BBS4: variants seen among roughly 807,000 people sequenced by gnomAD.
BBS4 encodes the protein BBSome complex member BBS4.
A neutral mutation model predicts 71.4 loss-of-function variants in BBS4; 58 were observed. The observed-to-expected ratio is 0.81, with a 90% confidence interval of 0.66 to 1.01. The LOEUF (loss-of-function observed/expected upper bound fraction) is 1.01, where lower values mean the gene tolerates loss of function less well. BBS4 is among the 50% of genes least tolerant of loss of function. The pLI is 0.00. For synonymous variants in BBS4, 228 were observed against 216.8 expected (o/e 1.05, Z -0.46); for missense variants, 660 against 607.9 (o/e 1.09, Z -0.90).
intron 4 of BBS4, among the ~76,000 whole-genome samples, chr15:72,712,730 T>C (rs535410113): frequency 1.3e-5 from 2 of 152,292 alleles, no homozygotes; most frequent in East Asian, 3.9e-4. Flanking sequence ...GGTGAGTTAG[T>C]GGTGAGTGAA....
At chr15:72,687,171 T>C (rs189627163) in intron 1 of BBS4, among the ~76,000 whole-genome samples, 1,587 of 139,796 alleles carry the variant, frequency 0.011, 11 homozygotes, top group Middle Eastern at 0.023. Context: ...CGGGCTGGAG[T>C]GCAATGGCGC....
At chr15:72,698,816 AT>A (rs2065122497) in intron 2 of BBS4, among the ~76,000 whole-genome samples, 1 of 152,138 alleles carries the variant, frequency 6.6e-6, no homozygotes, top group Admixed American at 6.5e-5. Flanking sequence ...CGTGATTTTG[AT>A]TTTGTAGATG....
At chr15:72,725,661 CCCCCTTCCCCATTTTCCCTT>C (rs1401130360) in intron 8 of BBS4, among the ~76,000 whole-genome samples, 8 of 146,218 alleles carry the variant, frequency 5.5e-5, no homozygotes, top group Non-Finnish European at 7.5e-5. Context: ...TATCTTTTTT[CCCCCTTCCCCATTTTCCCTT>C]CCCCTTCCCC....
chr15:72,714,339 C>T (rs948762620), intron 4 of BBS4, among the ~76,000 whole-genome samples: 1 of 151,000 alleles, frequency 6.6e-6, no homozygotes, highest in Non-Finnish European at 1.5e-5. Flanking sequence ...GATCCTCCTG[C>T]CTCAGCCCCC....
chr15:72,724,714 G>A, intron 8 of BBS4, 59 bp downstream of exon 8: 2 of 1,595,428 alleles, frequency 1.3e-6, no homozygotes, highest in Non-Finnish European at 1.7e-6. Flanking sequence ...GTGGATATGT[G>A]AACTCCCAAG....
Position 72,709,740 on chromosome 15 carries a change from T to G in BBS4, c.117T>G (p.Ile39Met). The G allele has an allele frequency of 6.2e-7, 1 of 1,613,846 alleles. No individual in the cohort carries two copies. Among genetic ancestry groups the G allele is most frequent in the Non-Finnish European group, 8.5e-7 (1 of 1,179,864 alleles). ...TTTTGGAGAAGCAGAACTGGTTGAT[T>G]CATCTTCATTATATCCGGAAAGATT... is the stretch of plus-strand genomic sequence containing the variant. The part of the protein sequence containing the change: ...FPILEKQNWL[I>M]HLHYIRKDYE... The change falls in exon 3 of 16, where the codon ATT becomes ATG. Residue 39 changes from isoleucine to methionine, a missense_variant. Physicochemically the swap from Ile to Met is conservative, Grantham distance 10. Coordinates refer to ENST00000268057, the MANE Select transcript of BBS4 (RefSeq NM_033028.5).
chr15:72,696,143 G>T (rs1465053128), intron 2 of BBS4, among the ~76,000 whole-genome samples: 1 of 152,116 alleles, frequency 6.6e-6, no homozygotes, highest in Non-Finnish European at 1.5e-5. Context: ...ATCAATTTTT[G>T]ATTTGTGTAT....
intron 4 of BBS4, among the ~76,000 whole-genome samples, chr15:72,714,250 G>A (rs1432540736): frequency 9.2e-6 from 1 of 108,214 alleles, no homozygotes; most frequent in African/African-American, 3.4e-5. Context: ...TTTTGAGACA[G>A]AGTCTTGCTC....
Position 72,735,970 on chromosome 15 carries a change from T to C in BBS4, c.1248+4T>C, listed in dbSNP as rs2065914727. On this transcript the variant is annotated splice_donor_region_variant and intron_variant, in intron 14 of 15. Transcript: ENST00000268057. ...CTCTCTGGAATTTGACTCTGAGGTA[T>C]GTCTTTTATTAGCTCCCAAGAGTCA... The C allele has an allele frequency of 1.9e-6, 3 of 1,614,124 alleles. No homozygotes were observed. Among genetic ancestry groups the C allele is most frequent in the Admixed American group, 1.7e-5 (1 of 60,026 alleles).
At chr15:72,708,358 C>T (rs980211071) in intron 2 of BBS4, among the ~76,000 whole-genome samples, 4 of 152,080 alleles carry the variant, frequency 2.6e-5, no homozygotes, top group South Asian at 2.1e-4. Context: ...GGCAGAGGAA[C>T]GTAAATTGTG....
In BBS4 at chr15:72,724,579, T is replaced by C. The variant is rs749322166; in HGVS notation, c.511T>C (p.Tyr171His). 2.5e-6 allele frequency: 4 copies of C among 1,614,104 alleles called. No homozygotes were observed. Residue 171 changes from tyrosine to histidine, a missense_variant, in exon 8 of 16, where the codon TAT becomes CAT. By Grantham distance (83) the Tyr-to-His change is moderately conservative (BLOSUM62 2). Transcript: ENST00000268057. Reference protein sequence around the residue: ...ALNLNRHDLTYIMLGKIHLLE... With the variant: ...ALNLNRHDLTHIMLGKIHLLE... The stretch of plus-strand genomic sequence containing the variant: ...GAATCTTAATAGGCACGATCTGACT[T>C]ATATAATGCTGGGGAAGATCCACTT...
intron 5 of BBS4, 48 bp from the exon 6 acceptor site, chr15:72,716,730 C>T: frequency 1.5e-6 from 2 of 1,366,026 alleles, no homozygotes; most frequent in Non-Finnish European, 2.1e-6. Flanking sequence ...TAGGGTTAGT[C>T]TTCTAAGAAT....
intron 6 of BBS4, 68 bp from the exon 7 acceptor site, chr15:72,722,726 G>C: frequency 1.4e-6 from 2 of 1,418,836 alleles, no homozygotes; most frequent in Admixed American, 3.4e-5. Context: ...CTAGATGTCT[G>C]TTGTTTCACT....
At chr15:72,701,814 A>T (rs530149762) in intron 2 of BBS4, among the ~76,000 whole-genome samples, 2 of 151,920 alleles carry the variant, frequency 1.3e-5, no homozygotes, top group South Asian at 2.1e-4. Context: ...CACTGGTTTT[A>T]AAAAAAATAA....
At chr15:72,723,162 G>C (rs2065607133) in intron 7 of BBS4, among the ~76,000 whole-genome samples, 1 of 152,130 alleles carries the variant, frequency 6.6e-6, no homozygotes, top group South Asian at 2.1e-4. Context: ...ATATCAAAAA[G>C]TGGACCCTTA....
chr15:72,737,537 G>A lies in BBS4; in HGVS notation c.1510G>A (p.Ala504Thr), dbSNP rs1255072166. Reference sequence around the variant, plus strand: ...ATCTCTTCCTCTGGAGCCAGAGCCTGCGGTGGAATCAAGTCCAACTGAAAC... The same window carrying A: ...ATCTCTTCCTCTGGAGCCAGAGCCTACGGTGGAATCAAGTCCAACTGAAAC... ...PPSLPLEPEPAVESSPTETSE... is the reference protein window; with the variant it reads ...PPSLPLEPEPTVESSPTETSE... The change falls in exon 16 of 16, where the codon GCG (alanine) becomes ACG (threonine). Residue 504 changes from alanine to threonine, a missense_variant. Transcript: ENST00000268057. The A allele has an allele frequency of 1.9e-6, 3 of 1,613,056 alleles. No homozygotes were observed. Among genetic ancestry groups the A allele is most frequent in the Non-Finnish European group, 2.5e-6 (3 of 1,179,630 alleles).
Position 72,737,892 on chromosome 15 carries a change from T to C in BBS4, c.*305T>C. ...AGTCAGCAAGGTACATGATGCTGTC[T>C]GCTTTCAAAAGGACTTTTCTCTCCT... On this transcript the variant is annotated 3_prime_UTR_variant, in exon 16 of 16. Coordinates refer to ENST00000268057, the MANE Select transcript of BBS4 (RefSeq NM_033028.5). The C allele has an allele frequency of 2.1e-6, 1 of 465,498 alleles. No individual in the cohort carries two copies. Among genetic ancestry groups the C allele is most frequent in the Non-Finnish European group, 4.3e-6 (1 of 234,342 alleles). 28.8% of individuals were successfully genotyped at this position (465,498 alleles called of 1,614,324 possible).
At chr15:72,737,013 T>C in intron 15 of BBS4, 50 bp downstream of exon 15, 1 of 1,580,706 alleles carries the variant, frequency 6.3e-7, no homozygotes. Flanking sequence ...AAGCCACATG[T>C]GTCTGTCAGC....
intron 1 of BBS4, among the ~76,000 whole-genome samples, chr15:72,690,999 G>A (rs1043739577): frequency 1.3e-5 from 2 of 152,024 alleles, no homozygotes; most frequent in Admixed American, 6.6e-5. Flanking sequence ...TTTTCCACCC[G>A]TATCTCTTTG....
Sources: gnomAD v4.1 joint callset for allele counts (sites outside exome capture counted in the v4.1 genomes callset) on GRCh38, gnomAD v4.1.1 for gene constraint, MANE v1.5 for transcripts, NCBI Gene and HGNC (gene_info 2026-07-23, HGNC 2026-07-21) for gene names.